The following ZNF679 variants were observed in gnomAD, a reference collection of about 807,000 sequenced individuals.
ZNF679 encodes hypothetical protein MGC42415.
A neutral mutation model predicts 13.4 loss-of-function variants in ZNF679; 10 were observed. The observed-to-expected ratio is 0.75, with a 90% CI of 0.46 to 1.27. ZNF679 has a LOEUF of 1.27. Among genes scored for constraint, ZNF679 ranks in the 50% most tolerant of loss-of-function variants. ZNF679 has a pLI of 0.00. For missense variants in ZNF679, 525 were observed against 477.8 expected (o/e 1.10, Z -0.92); for synonymous variants, 179 against 162.5 (o/e 1.10, Z -0.77).
At chr7:64,248,953 A>G in intron 1 of ZNF679, 75 bp from the exon 2 acceptor site, 1 of 1,009,272 alleles carries the variant, frequency 9.9e-7, no homozygotes. Flanking sequence ...TAGAAACTGT[A>G]CAATCAGGCA....
chr7:64,247,111 C>A (rs1308078451), intron 1 of ZNF679, among the ~76,000 whole-genome samples: 1 of 152,168 alleles, frequency 6.6e-6, no homozygotes, highest in African/African-American at 2.4e-5. Context: ...TTATAATTAG[C>A]GTGTAATGAT....
In ZNF679 at chr7:64,250,823, A is replaced by C. The variant is rs573570882; in HGVS notation, c.39+1667A>C. On this transcript the variant is annotated intron_variant, in intron 2 of 4. Coordinates refer to ENST00000421025, the MANE Select transcript of ZNF679 (RefSeq NM_153363.3). ...AGGCTGGTCTCGAATGCCTGACCTC[A>C]GATGATCCGCCTGCTTGGCCTCCCA... is the stretch of plus-strand genomic sequence containing the variant. Among the ~76,000 whole-genome samples, 10 of 152,202 alleles carry C rather than the reference A, an allele frequency of 6.6e-5. No homozygotes were observed. The South Asian group carries it at 1.9e-3, about 28-fold the overall frequency.
chr7:64,250,048 G>T (rs933370637), intron 2 of ZNF679, among the ~76,000 whole-genome samples: 1 of 151,960 alleles, frequency 6.6e-6, no homozygotes, highest in Non-Finnish European at 1.5e-5. Context: ...CACCATGTTG[G>T]CCAGGCTGGT....
chr7:64,254,304 A>C (rs1787976253), intron 2 of ZNF679, among the ~76,000 whole-genome samples: 1 of 151,732 alleles, frequency 6.6e-6, no homozygotes, highest in African/African-American at 2.4e-5. Flanking sequence ...TTTAGTAGAG[A>C]TGGGTTTTCT....
chr7:64,260,342 C>A lies in ZNF679; in HGVS notation c.161C>A (p.Ser54Tyr). ...VMLENYRNLV[S>Y]LGIAVSKPDL... ...TTAGAGAACTACAGAAACCTGGTCT[C>A]CCTGGGTGAGGATAACTTCAATACA... The change falls in exon 3 of 5, where the codon TCC (serine) becomes TAC (tyrosine). Residue 54 changes from serine to tyrosine, a missense_variant. By Grantham distance (144) the Ser-to-Tyr change is moderately radical. Transcript: ENST00000421025. 1.2e-6 allele frequency: 2 copies of A among 1,604,846 alleles called. No homozygotes were observed. The highest frequency in any genetic ancestry group is 1.7e-6 in the Non-Finnish European group (2 of 1,177,812).
intron 4 of ZNF679, among the ~76,000 whole-genome samples, chr7:64,265,210 C>T (rs1026320357): frequency 6.6e-6 from 1 of 152,120 alleles, no homozygotes; most frequent in African/African-American, 2.4e-5. Context: ...TATAATGCAG[C>T]TCTTTCTTGG....
intron 1 of ZNF679, among the ~76,000 whole-genome samples, chr7:64,239,838 A>G (rs928016421): frequency 4.6e-5 from 7 of 152,280 alleles, no homozygotes; most frequent in Non-Finnish European, 8.8e-5. Context: ...GCTTGTCAAC[A>G]TGATGATGTG....
intron 2 of ZNF679, among the ~76,000 whole-genome samples, chr7:64,251,123 T>C (rs1787938936): frequency 6.6e-6 from 1 of 151,920 alleles, no homozygotes; most frequent in African/African-American, 2.4e-5. Context: ...AATGCTTTGT[T>C]AAAAAAAAGT....
At chr7:64,237,272 G>A (rs920631814) in intron 1 of ZNF679, among the ~76,000 whole-genome samples, 1 of 152,188 alleles carries the variant, frequency 6.6e-6, no homozygotes, top group African/African-American at 2.4e-5. Flanking sequence ...AGCAACAGAA[G>A]TAATTTCAGC....
At chr7:64,241,376 G>A (rs1186136824) in intron 1 of ZNF679, among the ~76,000 whole-genome samples, 1 of 152,192 alleles carries the variant, frequency 6.6e-6, no homozygotes, top group East Asian at 1.9e-4. Context: ...GCTGGCCAGA[G>A]ATATGTCACA....
intron 2 of ZNF679, among the ~76,000 whole-genome samples, chr7:64,252,158 C>T (rs1446136565): frequency 2.0e-5 from 3 of 152,196 alleles, no homozygotes; most frequent in Non-Finnish European, 4.4e-5. Flanking sequence ...TGTCATTGAG[C>T]ATTTCAGTGA....
chr7:64,241,489 C>T (rs1787798646), intron 1 of ZNF679, among the ~76,000 whole-genome samples: 1 of 152,234 alleles, frequency 6.6e-6, no homozygotes, highest in South Asian at 2.1e-4. Context: ...ACAATGTCCC[C>T]TATGGGCAGG....
chr7:64,266,137 T>C lies in ZNF679; in HGVS notation c.504T>C (p.Phe168=). 2.5e-6 allele frequency: 4 copies of C among 1,607,556 alleles called. No homozygotes were observed. The highest frequency in any genetic ancestry group is 2.6e-6 in the Non-Finnish European group (3 of 1,176,018). The change falls in exon 5 of 5, where the codon TTT becomes TTC. Residue 168 remains phenylalanine (F), a synonymous_variant. Coordinates refer to ENST00000421025, the MANE Select transcript of ZNF679 (RefSeq NM_153363.3). ...THKCVKVFGK[F]SNSNRHKTRH... is the part of the protein sequence containing the mutation. ...AATGTGTCAAAGTCTTCGGCAAATT[T>C]TCAAATTCCAATAGACATAAGACAA...
At chr7:64,253,810 T>C (rs1305588585) in intron 2 of ZNF679, among the ~76,000 whole-genome samples, 1 of 152,154 alleles carries the variant, frequency 6.6e-6, no homozygotes, top group East Asian at 1.9e-4. Flanking sequence ...AGACAGCATG[T>C]TTTTAAGGAA....
At chr7:64,234,906 C>T (rs543784616) in intron 1 of ZNF679, among the ~76,000 whole-genome samples, 12 of 152,252 alleles carry the variant, frequency 7.9e-5, no homozygotes, top group Middle Eastern at 6.8e-3. Flanking sequence ...GGCACAATCT[C>T]AGCTCACTGA....
At position 64,265,758 on chromosome 7, in the gene ZNF679, T is replaced by G. The variant is rs1362488751; in HGVS notation, c.263-138T>G. The G allele has an allele frequency of 5.4e-6, 5 of 927,872 alleles. No homozygotes were observed. The East Asian group carries it at 1.3e-4, about 25-fold the overall frequency. The allele number at this position is 927,872 out of a possible 1,614,324, so 57.5% of individuals were successfully genotyped here. ...TATGTTTTTGTTACATTTATACACCTATGAAGGAATTATGGCCTGTGGTAA... is the reference window on the plus strand; with the variant it reads ...TATGTTTTTGTTACATTTATACACCGATGAAGGAATTATGGCCTGTGGTAA... On this transcript the variant is annotated intron_variant, in intron 4 of 4. Coordinates refer to ENST00000421025, the MANE Select transcript of ZNF679 (RefSeq NM_153363.3).
At chr7:64,251,176 A>T (rs542241575) in intron 2 of ZNF679, among the ~76,000 whole-genome samples, 77 of 152,248 alleles carry the variant, frequency 5.1e-4, no homozygotes, top group African/African-American at 1.7e-3. Context: ...AGCAGAGGTC[A>T]GGCGCAGTGG....
At chr7:64,260,433 A>C (rs1279980191) in intron 3 of ZNF679, 86 bp downstream of exon 3, 5 of 1,530,212 alleles carry the variant, frequency 3.3e-6, no homozygotes, top group Non-Finnish European at 4.4e-6. Flanking sequence ...GCTTTGCATG[A>C]GTGAATTTTA....
chr7:64,236,962 A>AAAGAAAGAAAG (rs1787730180), intron 1 of ZNF679, among the ~76,000 whole-genome samples: 1 of 29,216 alleles, frequency 3.4e-5, no homozygotes, highest in Non-Finnish European at 8.1e-5. Context: ...AGAAAGAAAG[A>AAAGAAAGAAAG]AAGAAAGAAA....
Sources: allele counts gnomAD v4.1 joint callset (sites outside exome capture counted in the v4.1 genomes callset), GRCh38; gene constraint gnomAD v4.1.1; transcripts MANE v1.5; gene names NCBI Gene and HGNC (gene_info 2026-07-23, HGNC 2026-07-21).